STX8: variants seen among roughly 807,000 people sequenced by gnomAD.
STX8 encodes the protein syntaxin-8.
STX8 carries 23 observed loss-of-function variants against 37.5 expected under a neutral mutation model. That is an observed-to-expected ratio of 0.61 (90% CI 0.44 to 0.87). STX8 has a LOEUF of 0.87. Among genes scored for constraint, STX8 ranks in the 40% least tolerant of loss-of-function variants. STX8 has a pLI of 0.00. For synonymous variants in STX8, 115 were observed against 99.1 expected, an observed-to-expected ratio of 1.16 and a Z score of -0.95; for missense variants, 313 against 284.7, an observed-to-expected ratio of 1.10 and a Z score of -0.71.
At chr17:9,416,190 GCTT>G (rs1306542774) in intron 6 of STX8, among the ~76,000 whole-genome samples, 1 of 152,128 alleles carries the variant, frequency 6.6e-6, no homozygotes, top group African/African-American at 2.4e-5. Context: ...CCTTACCTAG[GCTT>G]CATTCTCAGA....
rs138883397 is a variant in STX8 at position 9,355,049 on chromosome 17, G to A, written c.643+23503C>T. ...TGTTGTCCCCTACCTCCCACCCCTA[G>A]GGAGGCAGAAACTTCTCTTTAACTG... On this transcript the variant is annotated intron_variant, in intron 7 of 7. Coordinates refer to ENST00000306357, the MANE Select transcript of STX8 (RefSeq NM_004853.3). 4.6e-3 allele frequency among the ~76,000 whole-genome samples: 701 copies of A among 152,192 alleles called. 7 individuals are homozygous for A. Among genetic ancestry groups the A allele is most frequent in the African/African-American group, 0.016 (656 of 41,534 alleles).
In STX8 at chr17:9,510,515, ACAG is replaced by A. The variant is rs543040615; in HGVS notation, c.324-5356_324-5354del. Among the ~76,000 whole-genome samples the A allele has an allele frequency of 2.5e-3, 377 of 152,304 alleles. 3 individuals are homozygous for A. Among genetic ancestry groups the A allele is most frequent in the African/African-American group, 8.6e-3 (359 of 41,570 alleles). ...TGGAAATTAAACAACATGCTCTTGA[ACAG>A]CCAGTGAGTGAAGGACAAAATTAAG... On this transcript the variant is annotated intron_variant, in intron 4 of 7. Coordinates refer to ENST00000306357, the MANE Select transcript of STX8 (RefSeq NM_004853.3).
chr17:9,352,900 TCAGACTC>T, intron 7 of STX8, among the ~76,000 whole-genome samples: 1 of 152,022 alleles, frequency 6.6e-6, no homozygotes, highest in African/African-American at 2.4e-5. Flanking sequence ...ATTTTTTTTT[TCAGACTC>T]TTTTTTCAGG....
At chr17:9,523,199 C>T (rs1227802547) in intron 4 of STX8, among the ~76,000 whole-genome samples, 8 of 151,214 alleles carry the variant, frequency 5.3e-5, no homozygotes, top group African/African-American at 1.2e-4. Flanking sequence ...GTAGTCCCAG[C>T]TACTTGGGAG....
intron 4 of STX8, among the ~76,000 whole-genome samples, chr17:9,542,289 C>T (rs988829786): frequency 1.3e-5 from 2 of 151,734 alleles, no homozygotes; most frequent in African/African-American, 4.8e-5. Flanking sequence ...ACTCGGGAGG[C>T]GGAGGTTGCA....
intron 2 of STX8, among the ~76,000 whole-genome samples, chr17:9,559,624 T>C (rs1310949895): frequency 2.7e-5 from 4 of 148,710 alleles, no homozygotes; most frequent in Non-Finnish European, 5.9e-5. Flanking sequence ...ATAAGAAAAA[T>C]TAAAGAAAAA....
chr17:9,250,785 G>T, intron 7 of STX8, 140 bp from the exon 8 acceptor site: 1 of 872,114 alleles, frequency 1.1e-6, no homozygotes, highest in Non-Finnish European at 1.8e-6. Flanking sequence ...GAGGTGGTCG[G>T]TGGCCTGGGG....
intron 6 of STX8, among the ~76,000 whole-genome samples, chr17:9,456,988 C>A (rs1905204453): frequency 6.6e-6 from 1 of 152,110 alleles, no homozygotes; most frequent in African/African-American, 2.4e-5. Context: ...TTGCTTAGGA[C>A]AGCTGTGGCT....
intron 7 of STX8, among the ~76,000 whole-genome samples, chr17:9,279,656 TTCTCACTG>T (rs1555587535): frequency 6.6e-6 from 1 of 152,184 alleles, no homozygotes; most frequent in Non-Finnish European, 1.5e-5. Flanking sequence ...TATGATGGAC[TTCTCACTG>T]TCTTCCCTGC....
At chr17:9,425,662 C>T (rs1913600001) in intron 6 of STX8, among the ~76,000 whole-genome samples, 1 of 152,164 alleles carries the variant, frequency 6.6e-6, no homozygotes, top group South Asian at 2.1e-4. Context: ...AAGATGTTAT[C>T]TTCAGTAATA....
chr17:9,431,214 TTTG>T (rs903149718), intron 6 of STX8, among the ~76,000 whole-genome samples: 13 of 148,400 alleles, frequency 8.8e-5, no homozygotes, highest in African/African-American at 2.0e-4. Flanking sequence ...TAGTAGCATT[TTTG>T]TTGTTGTTGT....
Position 9,250,618 on chromosome 17 carries a change from A to G in STX8, c.671T>C (p.Leu224Pro). The G allele has an allele frequency of 6.2e-7, 1 of 1,600,852 alleles. No individual in the cohort carries two copies. The highest frequency in any genetic ancestry group is 8.5e-7 in the Non-Finnish European group (1 of 1,173,882). ...GACTGCAACAACCACGATAGCCACA[A>G]GCAGCAGTAAAATCACCATGATCAT... is the stretch of plus-strand genomic sequence containing the variant. ...CGMIMVILLL[L>P]VAIVVVAVWP... Residue 224 changes from leucine (L) to proline (P), a missense_variant, in exon 8 of 8, where the codon CTT (leucine) becomes CCT (proline). Transcript: ENST00000306357.
rs147066697 is a variant in STX8 at position 9,320,105 on chromosome 17, T to C, written c.643+58447A>G. Reference sequence around the variant, plus strand: ...ATTCCAGCACTTTGGAAGGCCGAGGTGGGCAGATCACGAGGTCAGGAGTTC... The same window carrying C: ...ATTCCAGCACTTTGGAAGGCCGAGGCGGGCAGATCACGAGGTCAGGAGTTC... On this transcript the variant is annotated intron_variant, in intron 7 of 7. Transcript: ENST00000306357. Among the ~76,000 whole-genome samples the C allele has an allele frequency of 4.3e-3, 650 of 151,916 alleles. 7 individuals carry two copies. The highest frequency in any genetic ancestry group is 0.015 in the African/African-American group (608 of 41,480).
intron 6 of STX8, among the ~76,000 whole-genome samples, chr17:9,415,158 G>T (rs1808635935): frequency 6.6e-6 from 1 of 152,082 alleles, no homozygotes; most frequent in Admixed American, 6.5e-5. Flanking sequence ...ACACACAGTT[G>T]TAACAAGGTT....
chr17:9,254,919 C>A (rs1272218331), intron 7 of STX8, among the ~76,000 whole-genome samples: 4 of 152,058 alleles, frequency 2.6e-5, no homozygotes, highest in African/African-American at 9.7e-5. Context: ...TAAGAAGAGT[C>A]AAGAGAGGCA....
At chr17:9,294,247 G>A (rs776771379) in intron 7 of STX8, among the ~76,000 whole-genome samples, 3 of 152,238 alleles carry the variant, frequency 2.0e-5, no homozygotes, top group Non-Finnish European at 2.9e-5. Context: ...CACAAGATAG[G>A]AAGGAAAGGA....
intron 4 of STX8, among the ~76,000 whole-genome samples, chr17:9,533,461 T>C (rs901801377): frequency 4.6e-5 from 7 of 152,090 alleles, no homozygotes; most frequent in African/African-American, 1.7e-4. Context: ...TGAGACTCCA[T>C]CTCGAAACAA....
At chr17:9,286,539 T>C (rs1437581074) in intron 7 of STX8, among the ~76,000 whole-genome samples, 1 of 152,192 alleles carries the variant, frequency 6.6e-6, no homozygotes, top group African/African-American at 2.4e-5. Context: ...TTCACCTCAA[T>C]ACATCTTTCA....
At position 9,466,207 on chromosome 17, in the gene STX8, G is replaced by A. The variant is rs562276131; in HGVS notation, c.541+25622C>T. Among the ~76,000 whole-genome samples, 58 of 152,216 alleles carry A rather than the reference G, an allele frequency of 3.8e-4. No individual in the cohort carries two copies. The South Asian group carries it at 6.0e-3, about 16-fold the overall frequency. Reference sequence around the variant, plus strand: ...AGGATGGTCTCGATCTCCTGACCTCGTGATCCGCCTGCCTTGGCCTCCCAA... The same window carrying A: ...AGGATGGTCTCGATCTCCTGACCTCATGATCCGCCTGCCTTGGCCTCCCAA... On this transcript the variant is annotated intron_variant, in intron 6 of 7. Coordinates refer to ENST00000306357, the MANE Select transcript of STX8 (RefSeq NM_004853.3).
Sources: gnomAD v4.1 joint callset for allele counts (sites outside exome capture counted in the v4.1 genomes callset) on GRCh38, gnomAD v4.1.1 for gene constraint, MANE v1.5 for transcripts, NCBI Gene and HGNC (gene_info 2026-07-23, HGNC 2026-07-21) for gene names.